The following SCAP variants were observed in gnomAD, a reference collection of about 807,000 sequenced individuals.
The protein encoded by SCAP is SREBF chaperone.
SCAP carries 65 observed loss-of-function variants against 123.6 expected under a neutral mutation model. The ratio of observed to expected loss-of-function variants is 0.53; its 90% CI spans 0.43 to 0.65. The LOEUF (loss-of-function observed/expected upper bound fraction) is 0.65. Ranked by LOEUF, SCAP falls within the 30% of genes least tolerant of loss-of-function variation. The pLI, the probability that SCAP is intolerant of heterozygous loss-of-function variation, is 0.00. For synonymous variants in SCAP, 740 were observed against 726.3 expected (o/e 1.02, Z -0.30); for missense variants, 1,398 against 1,712.5 (o/e 0.82, Z 3.24).
At chr3:47,462,708 G>C (rs1412548424) in intron 1 of SCAP, among the ~76,000 whole-genome samples, 1 of 145,780 alleles carries the variant, frequency 6.9e-6, no homozygotes, top group Non-Finnish European at 1.5e-5. Flanking sequence ...AGCCAAGATC[G>C]CGCCATTGCA....
At chr3:47,428,270 C>G (rs1204900954) in intron 4 of SCAP, among the ~76,000 whole-genome samples, 2 of 152,130 alleles carry the variant, frequency 1.3e-5, no homozygotes, top group African/African-American at 4.8e-5. Flanking sequence ...GACACTGACT[C>G]CATCTGAGAT....
At chr3:47,443,272 A>T (rs34931190) in intron 1 of SCAP, 181 bp from the exon 2 acceptor site, 1,726 of 103,854 alleles carry the variant, frequency 0.017, 5 homozygotes, top group African/African-American at 0.035. Flanking sequence ...ACACACACAC[A>T]CACACTCTCT....
intron 1 of SCAP, among the ~76,000 whole-genome samples, chr3:47,450,535 C>CA (rs1707199653): frequency 9.6e-6 from 1 of 103,828 alleles, no homozygotes; most frequent in African/African-American, 3.5e-5. Context: ...TTCCTTGAGA[C>CA]AGAGTCTCAC....
Position 47,445,595 on chromosome 3 carries a change from G to A in SCAP, c.-98-2504C>T, listed in dbSNP as rs1156659355. On this transcript the variant is annotated intron_variant, in intron 1 of 22. Coordinates refer to ENST00000265565, the MANE Select transcript of SCAP (RefSeq NM_012235.4). ...GAACTCCAACTTTTTTTTTTGAAAC[G>A]GAATCTTGCTTTGTCGCCCAGGCTG... is the stretch of plus-strand genomic sequence containing the variant. Among the ~76,000 whole-genome samples the A allele has an allele frequency of 4.0e-5, 6 of 148,612 alleles. No individual in the cohort carries two copies. The South Asian group carries it at 6.4e-4, about 16-fold the overall frequency.
chr3:47,443,047 G>A lies in SCAP; in HGVS notation c.-54C>T. ...CCGGAAAGTGACCATGGATCACCCT[G>A]GCACACACTTGACAGCACTGACAAA... On this transcript the variant is annotated 5_prime_UTR_variant, in exon 2 of 23. Transcript: ENST00000265565. The A allele has an allele frequency of 6.2e-7, 1 of 1,610,860 alleles. No individual in the cohort carries two copies.
chr3:47,460,397 T>C (rs2107991127), intron 1 of SCAP, among the ~76,000 whole-genome samples: 1 of 152,304 alleles, frequency 6.6e-6, no homozygotes, highest in East Asian at 1.9e-4. Context: ...AAGACAGGTG[T>C]AAGAAATTAT....
At chr3:47,425,713 T>G in intron 7 of SCAP, 102 bp from the exon 8 acceptor site, 1 of 1,330,008 alleles carries the variant, frequency 7.5e-7, no homozygotes, top group Non-Finnish European at 1.0e-6. Context: ...AAGGGAAAAC[T>G]CCTGGTTTCA....
intron 7 of SCAP, 149 bp downstream of exon 7, chr3:47,425,848 C>T (rs1401058329): frequency 5.0e-6 from 5 of 994,516 alleles, no homozygotes; most frequent in Admixed American, 2.5e-5. Flanking sequence ...CTCCTAAGAC[C>T]CTGCTGGGGG....
At chr3:47,443,267 CACACACACACT>C in intron 1 of SCAP, 176 bp from the exon 2 acceptor site, 3 of 204,196 alleles carry the variant, frequency 1.5e-5, no homozygotes, top group Non-Finnish European at 2.7e-5. Context: ...CACACACACA[CACACACACACT>C]CTCTCTCTCT....
intron 6 of SCAP, among the ~76,000 whole-genome samples, chr3:47,426,470 C>T (rs1007422425): frequency 2.6e-5 from 4 of 152,176 alleles, no homozygotes; most frequent in South Asian, 2.1e-4. Flanking sequence ...ACAAGAGTCT[C>T]GCTGTCGCCC....
At chr3:47,432,332 A>AG (rs1559550931) in intron 3 of SCAP, among the ~76,000 whole-genome samples, 1 of 132,812 alleles carries the variant, frequency 7.5e-6, no homozygotes, top group African/African-American at 2.7e-5. Context: ...AAAAAAAAAA[A>AG]GAAAAGAAAA....
intron 1 of SCAP, among the ~76,000 whole-genome samples, chr3:47,455,070 T>C (rs1220589784): frequency 1.5e-4 from 7 of 45,796 alleles, no homozygotes; most frequent in African/African-American, 3.7e-4. Context: ...TACATATATA[T>C]ATATATATAT....
chr3:47,459,149 G>A (rs1292981543), intron 1 of SCAP, among the ~76,000 whole-genome samples: 4 of 152,196 alleles, frequency 2.6e-5, no homozygotes, highest in African/African-American at 7.2e-5. Context: ...GCCCATGGGG[G>A]CAGCCTTGTC....
rs7619813 is a variant in SCAP, at chr3:47,445,405, C to G, written c.-98-2314G>C. ...GGGATTACAAGTGCCCGCCACTACG[C>G]CCAGCTATTTTTTCGTATTTTTAGT... On this transcript the variant is annotated intron_variant, in intron 1 of 22. Transcript: ENST00000265565. 8.5e-3 allele frequency among the ~76,000 whole-genome samples: 1,296 copies of G among 151,974 alleles called. 19 individuals carry two copies. Among genetic ancestry groups the G allele is most frequent in the African/African-American group, 0.03 (1,238 of 41,446 alleles).
chr3:47,436,615 T>C (rs1706588742), intron 2 of SCAP, among the ~76,000 whole-genome samples: 1 of 151,680 alleles, frequency 6.6e-6, no homozygotes. Context: ...GGCAACACAG[T>C]GAGACCCCAT....
Position 47,414,961 on chromosome 3 carries a change from G to GA in SCAP, c.3171dup (p.Pro1058SerfsTer71), listed in dbSNP as rs764369418. The GA allele has an allele frequency of 3.7e-6, 6 of 1,605,544 alleles. No homozygotes were observed. Among genetic ancestry groups the GA allele is most frequent in the Non-Finnish European group, 5.1e-6 (6 of 1,176,360 alleles). On this transcript the variant is annotated frameshift_variant, in exon 20 of 23. Coordinates refer to ENST00000265565, the MANE Select transcript of SCAP (RefSeq NM_012235.4). LOFTEE classifies it high-confidence loss of function. ...ACTGTGTCGCTGCTGCTGTACACTG[G>GA]AGAGGCAGGGGAACTGCCCCGCCCT... is the stretch of plus-strand genomic sequence containing the variant.
chr3:47,435,289 A>G (rs1173335314), intron 2 of SCAP, 152 bp from the exon 3 acceptor site: 16 of 879,142 alleles, frequency 1.8e-5, no homozygotes, highest in Non-Finnish European at 2.6e-5. Flanking sequence ...CAAAGCTGAA[A>G]CTCAGAAGTC....
intron 14 of SCAP, 54 bp from the exon 15 acceptor site, chr3:47,418,576 C>A: frequency 1.3e-6 from 2 of 1,550,172 alleles, no homozygotes; most frequent in Admixed American, 1.9e-5. Context: ...GTCCCCTCCC[C>A]TCCTCCCTCT....
Position 47,418,178 on chromosome 3 carries a change from C to G in SCAP, c.2403G>C (p.Trp801Cys). The G allele has an allele frequency of 1.9e-6, 3 of 1,574,920 alleles. No homozygotes were observed. The highest frequency in any genetic ancestry group is 2.6e-6 in the Non-Finnish European group (3 of 1,160,932). Residue 801 changes from tryptophan to cysteine, a missense_variant, in exon 16 of 23, where the codon TGG (tryptophan) becomes TGC (cysteine). Around this residue, in one of 7 missense-constraint regions of SCAP, gnomAD observed 828 missense variants for 882.5 expected, o/e 0.94. Coordinates refer to ENST00000265565, the MANE Select transcript of SCAP (RefSeq NM_012235.4). ...SCCLAGHVCVWDAQTGDCLTR... is the reference protein window; with the variant it reads ...SCCLAGHVCVCDAQTGDCLTR... The stretch of plus-strand genomic sequence containing the variant: ...TTAGGCAATCCCCGGTCTGCGCGTC[C>G]CACACGCAGACGTGGCCTGCCAGGC...
Sources: allele counts gnomAD v4.1 joint callset (sites outside exome capture counted in the v4.1 genomes callset), GRCh38; gene constraint gnomAD v4.1.1; regional missense constraint gnomAD v4.1.1; transcripts MANE v1.5; gene names NCBI Gene and HGNC (gene_info 2026-07-23, HGNC 2026-07-21).